ENPP3: variants seen among roughly 807,000 people sequenced by gnomAD.
The protein encoded by ENPP3 is ectonucleotide pyrophosphatase/phosphodiesterase family member 3.
A neutral mutation model predicts 117.8 loss-of-function variants in ENPP3; 104 were observed. That is an observed-to-expected ratio of 0.88 (90% confidence interval 0.75 to 1.04). The LOEUF is 1.04. Ranked by LOEUF, ENPP3 falls within the 50% of genes least tolerant of loss-of-function variation. The pLI is 0.00. For synonymous variants in ENPP3, 380 were observed against 349.9 expected (o/e 1.09, Z -0.96); for missense variants, 1,026 against 1,051.9 (o/e 0.98, Z 0.34).
chr6:131,688,179 A>G (rs1212429093), intron 14 of ENPP3, among the ~76,000 whole-genome samples: 1 of 152,192 alleles, frequency 6.6e-6, no homozygotes, highest in Admixed American at 6.5e-5. Context: ...GGCACCATGA[A>G]TCCTACTCAT....
intron 21 of ENPP3, among the ~76,000 whole-genome samples, chr6:131,736,834 G>C (rs531206025): frequency 6.6e-6 from 1 of 152,276 alleles, no homozygotes; most frequent in African/African-American, 2.4e-5. Flanking sequence ...GAAGGCTAAA[G>C]TCAAGGTGTT....
intron 14 of ENPP3, among the ~76,000 whole-genome samples, chr6:131,688,748 G>A (rs2114436537): frequency 6.6e-6 from 1 of 152,194 alleles, no homozygotes; most frequent in African/African-American, 2.4e-5. Flanking sequence ...TTGTTAGTGA[G>A]ATATAAAGAA....
At chr6:131,729,607 T>A (rs1388174095) in intron 20 of ENPP3, among the ~76,000 whole-genome samples, 4 of 152,192 alleles carry the variant, frequency 2.6e-5, no homozygotes, top group Non-Finnish European at 5.9e-5. Flanking sequence ...CAGGGAACTC[T>A]GATAGGATGG....
Position 131,671,382 on chromosome 6 carries a change from A to G in ENPP3, c.642+55A>G, listed in dbSNP as rs548566827. 4.8e-6 allele frequency: 5 copies of G among 1,043,050 alleles called. No individual in the cohort carries two copies. The East Asian group carries it at 9.5e-5, about 20-fold the overall frequency. 64.6% of individuals were successfully genotyped at this position (1,043,050 alleles called of 1,614,324 possible). A position where few individuals can be genotyped will look rare whatever the true frequency, so the allele number is the denominator to read the frequency against. Reference sequence around the variant, plus strand: ...CCAAAGACCAGAACTGACCACATAAACAGACATGTTTGGGCAGGAACTGAC... The same window carrying G: ...CCAAAGACCAGAACTGACCACATAAGCAGACATGTTTGGGCAGGAACTGAC... On this transcript the variant is annotated intron_variant, in intron 7 of 24. Transcript: ENST00000357639.
chr6:131,652,406 T>A, intron 3 of ENPP3, 136 bp from the exon 4 acceptor site: 2 of 895,678 alleles, frequency 2.2e-6, no homozygotes, highest in Non-Finnish European at 3.3e-6. Flanking sequence ...TCATTTGGTA[T>A]TATGTATTTT....
chr6:131,641,535 A>G lies in ENPP3; in HGVS notation c.154+5A>G, dbSNP rs778114337. ...TCAGGAAACTGGAAAAGCAAGGTAT[A>G]CCCCTCAGCCTTTTCTCAGAACATT... On this transcript the variant is annotated splice_donor_5th_base_variant and intron_variant, in intron 2 of 24. Transcript: ENST00000357639. 9 of 1,573,716 alleles carry G rather than the reference A, an allele frequency of 5.7e-6. No individual in the cohort carries two copies. The highest frequency in any genetic ancestry group is 7.9e-6 in the Non-Finnish European group (9 of 1,144,364).
chr6:131,721,673 T>C (rs1425247833), intron 17 of ENPP3, among the ~76,000 whole-genome samples: 1 of 151,906 alleles, frequency 6.6e-6, no homozygotes, highest in Non-Finnish European at 1.5e-5. Context: ...AATTCACTAG[T>C]TCCATTTTTT....
At chr6:131,675,795 C>T (rs142076887) in intron 9 of ENPP3, among the ~76,000 whole-genome samples, 2 of 152,202 alleles carry the variant, frequency 1.3e-5, no homozygotes, top group East Asian at 1.9e-4. Flanking sequence ...AGATCAGGGG[C>T]TCCTGCAGTG....
chr6:131,682,287 A>T lies in ENPP3; in HGVS notation c.1012-767A>T, dbSNP rs183797044. Among the ~76,000 whole-genome samples the T allele has an allele frequency of 2.0e-4, 30 of 152,210 alleles. 1 individual carries two copies. Among genetic ancestry groups the T allele is most frequent in the Admixed American group, 1.9e-3 (29 of 15,294 alleles). ...GGCAGGAGGATCACTTGAGCCCAGG[A>T]GTTTGAGAACAGCCTGGGAAACTTA... On this transcript the variant is annotated intron_variant, in intron 11 of 24. Coordinates refer to ENST00000357639, the MANE Select transcript of ENPP3 (RefSeq NM_005021.5).
chr6:131,652,807 A>G (rs748631918), intron 4 of ENPP3, 24 bp from the exon 5 acceptor site: 2 of 1,609,336 alleles, frequency 1.2e-6, no homozygotes, highest in East Asian at 2.2e-5. Flanking sequence ...GCAAGTATCA[A>G]GATTTTGATC....
chr6:131,742,806 T>C (rs1415229151), intron 24 of ENPP3, among the ~76,000 whole-genome samples: 5 of 152,170 alleles, frequency 3.3e-5, no homozygotes, highest in African/African-American at 4.8e-5. Context: ...AGAATTTCAT[T>C]CTTTTCCATC....
intron 14 of ENPP3, among the ~76,000 whole-genome samples, chr6:131,686,755 C>T (rs1779161934): frequency 6.6e-6 from 1 of 152,314 alleles, no homozygotes; most frequent in South Asian, 2.1e-4. Context: ...TAAGTGACAA[C>T]ATGCAGTATT....
chr6:131,667,446 G>C (rs1279556806), intron 6 of ENPP3, among the ~76,000 whole-genome samples: 1 of 152,134 alleles, frequency 6.6e-6, no homozygotes, highest in African/African-American at 2.4e-5. Flanking sequence ...GTGCCTGTGT[G>C]CTCGTTAGAA....
At chr6:131,726,810 G>A (rs1780163958) in intron 20 of ENPP3, among the ~76,000 whole-genome samples, 1 of 152,150 alleles carries the variant, frequency 6.6e-6, no homozygotes, top group South Asian at 2.1e-4. Context: ...CTTGCACTAA[G>A]TAGTACCAGG....
chr6:131,717,501 G>A (rs1225224364), intron 15 of ENPP3, among the ~76,000 whole-genome samples: 7 of 151,662 alleles, frequency 4.6e-5, no homozygotes, highest in Admixed American at 4.0e-4. Flanking sequence ...TCCCTTCAGA[G>A]ATCAAATTTG....
At chr6:131,658,971 C>T (rs531243938) in intron 6 of ENPP3, among the ~76,000 whole-genome samples, 2 of 152,310 alleles carry the variant, frequency 1.3e-5, no homozygotes, top group Admixed American at 1.3e-4. Flanking sequence ...ATGGTGACTT[C>T]CCACCTGATA....
In ENPP3 at chr6:131,685,922, C is replaced by G. The variant is rs760653024; in HGVS notation, c.1284+15C>G. ...GAAACCTCAGTGTAAGTATACAATA[C>G]TCTTAATACATATATTTAAGTTAAT... On this transcript the variant is annotated intron_variant, in intron 14 of 24. Coordinates refer to ENST00000357639, the MANE Select transcript of ENPP3 (RefSeq NM_005021.5). The G allele has an allele frequency of 1.8e-5, 14 of 789,118 alleles. No individual in the cohort carries two copies. Among genetic ancestry groups the G allele is most frequent in the Non-Finnish European group, 2.5e-5 (12 of 470,932 alleles). 48.9% of individuals were successfully genotyped at this position (789,118 alleles called of 1,614,324 possible).
intron 20 of ENPP3, among the ~76,000 whole-genome samples, chr6:131,731,078 A>C (rs907656618): frequency 1.3e-5 from 2 of 152,098 alleles, no homozygotes; most frequent in Admixed American, 6.6e-5. Context: ...TCGTATTTTG[A>C]AATCCCAAGA....
chr6:131,722,123 T>C (rs577053455), intron 17 of ENPP3, 104 bp from the exon 18 acceptor site: 1 of 762,650 alleles, frequency 1.3e-6, no homozygotes, highest in Non-Finnish European at 2.1e-6. Context: ...GCAGAATTTA[T>C]TAAAGGGAGT....
Sources: gnomAD v4.1 joint callset for allele counts (sites outside exome capture counted in the v4.1 genomes callset) on GRCh38, gnomAD v4.1.1 for gene constraint, MANE v1.5 for transcripts, NCBI Gene and HGNC (gene_info 2026-07-23, HGNC 2026-07-21) for gene names.